The following CASZ1 variants were observed in gnomAD, a reference collection of about 807,000 sequenced individuals.
CASZ1 encodes the protein zinc finger protein castor homolog 1.
A neutral mutation model predicts 135.2 loss-of-function variants in CASZ1; 28 were observed. The observed-to-expected ratio is 0.21, with a 90% confidence interval of 0.15 to 0.28. The LOEUF (loss-of-function observed/expected upper bound fraction) is 0.28. Among genes scored for constraint, CASZ1 ranks in the 10% least tolerant of loss-of-function variants. The pLI is 1.00. For missense variants in CASZ1, 2,161 were observed against 2,453.3 expected (o/e 0.88, Z 2.52); for synonymous variants, 1,068 against 1,073.4 (o/e 0.99, Z 0.10).
At chr1:10,738,703 G>A (rs949499751) in intron 2 of CASZ1, among the ~76,000 whole-genome samples, 1 of 152,202 alleles carries the variant, frequency 6.6e-6, no homozygotes, top group Non-Finnish European at 1.5e-5. Context: ...AAGATCAAGC[G>A]TAAACCCCAC....
At chr1:10,780,542 A>G (rs1039773264) in intron 1 of CASZ1, among the ~76,000 whole-genome samples, 3 of 152,220 alleles carry the variant, frequency 2.0e-5, no homozygotes, top group Non-Finnish European at 2.9e-5. Flanking sequence ...TTTTATGATT[A>G]TAGTTATGTA....
chr1:10,728,760 G>T (rs1200795582), intron 2 of CASZ1, among the ~76,000 whole-genome samples: 1 of 152,066 alleles, frequency 6.6e-6, no homozygotes, highest in Non-Finnish European at 1.5e-5. Flanking sequence ...TCACATGAGA[G>T]GGGGGACAGC....
rs1476666621 is a variant in CASZ1, at chr1:10,762,080, C to T, written c.-233-1223G>A. Among the ~76,000 whole-genome samples the T allele has an allele frequency of 6.6e-6, 1 of 152,214 alleles. No individual in the cohort carries two copies. Among genetic ancestry groups the T allele is most frequent in the Non-Finnish European group, 1.5e-5 (1 of 68,050 alleles). ...CCCGGCCCTCAGAGTCCCCGGAGGC[C>T]TTGCAGGAGTGCACGAACCCCTCCC... is the stretch of plus-strand genomic sequence containing the variant. On this transcript the variant is annotated intron_variant, in intron 1 of 20. Coordinates refer to ENST00000377022, the MANE Select transcript of CASZ1 (RefSeq NM_001079843.3). This position sits in a 1 kb window ranked among gnomAD's most constrained non-coding sequence, Gnocchi z 4.1.
chr1:10,639,431 C>G lies in CASZ1; in HGVS notation c.4791G>C (p.Lys1597Asn). The stretch of plus-strand genomic sequence containing the variant: ...CTGCCGCGGGCTCGCCGCGCTCCTG[C>G]TTCTCGTGCTTGCGCTTGTGCGAGT... ...QMDSHKRKHE[K>N]QERGEPAAEG... is the part of the protein sequence containing the mutation. The change falls in exon 21 of 21, where the codon AAG becomes AAC. Residue 1597 changes from lysine to asparagine, a missense_variant. Lys to Asn is a moderately conservative substitution (Grantham distance 94, BLOSUM62 0). Around this residue, in one of 7 missense-constraint regions of CASZ1, gnomAD observed 240 missense variants for 321.4 expected, o/e 0.75. Transcript: ENST00000377022. The surrounding 1 kb of genome is among the most constrained non-coding windows in gnomAD (Gnocchi z 4.0). 6.3e-7 allele frequency: 1 copy of G among 1,576,754 alleles called. No homozygotes were observed. Among genetic ancestry groups the G allele is most frequent in the East Asian group, 2.3e-5 (1 of 42,972 alleles).
Position 10,747,902 on chromosome 1 carries a change from C to T in CASZ1, c.-77+12799G>A, listed in dbSNP as rs558768482. ...TGTGATCTCAGCTCACTGCAAGCTCCGCCTCCTGGGTTCACGCCATTCTCC... is the reference window on the plus strand; with the variant it reads ...TGTGATCTCAGCTCACTGCAAGCTCTGCCTCCTGGGTTCACGCCATTCTCC... On this transcript the variant is annotated intron_variant, in intron 2 of 20. Transcript: ENST00000377022. The surrounding 1 kb of genome is among the most constrained non-coding windows in gnomAD (Gnocchi z 4.3). 1.8e-4 allele frequency among the ~76,000 whole-genome samples: 27 copies of T among 151,908 alleles called. No individual in the cohort carries two copies. The highest frequency in any genetic ancestry group is 1.5e-3 in the South Asian group (7 of 4,804).
chr1:10,644,936 G>T lies in CASZ1; in HGVS notation c.3849C>A (p.Arg1283=). 1 of 1,613,666 alleles carries T rather than the reference G, an allele frequency of 6.2e-7. No homozygotes were observed. The highest frequency in any genetic ancestry group is 8.5e-7 in the Non-Finnish European group (1 of 1,179,898). ...CGGTACCTAGCCTGCCACACTCCTC[G>T]CGCTTGGTGAAGTATTTGAAGCCAT... ...AANGFKYFTK[R]EECGRLGCKY... is the part of the protein sequence containing the mutation. Residue 1283 remains arginine (R), a synonymous_variant, in exon 18 of 21, where the codon CGC becomes CGA. Transcript: ENST00000377022.
Position 10,707,922 on chromosome 1 carries a change from C to T in CASZ1, c.-76-2378G>A, listed in dbSNP as rs1313704729. 6.6e-6 allele frequency among the ~76,000 whole-genome samples: 1 copy of T among 152,198 alleles called. No homozygotes were observed. Among genetic ancestry groups the T allele is most frequent in the African/African-American group, 2.4e-5 (1 of 41,442 alleles). On this transcript the variant is annotated intron_variant, in intron 2 of 20. Transcript: ENST00000377022. This position sits in a 1 kb window ranked among gnomAD's most constrained non-coding sequence, Gnocchi z 5.0. The stretch of plus-strand genomic sequence containing the variant: ...GACCCAGAGGACAGCAGGGGCCCTA[C>T]ACTCAGCGGGGCTGAAGTGAAGTGA...
Position 10,767,850 on chromosome 1 carries a change from C to T in CASZ1, c.-233-6993G>A, listed in dbSNP as rs552483271. Among the ~76,000 whole-genome samples, 8 of 152,278 alleles carry T rather than the reference C, an allele frequency of 5.3e-5. No individual in the cohort carries two copies. The South Asian group carries it at 8.3e-4, about 16-fold the overall frequency. The stretch of plus-strand genomic sequence containing the variant: ...CCTCGCTGGCCCTGTCCACAGCCCT[C>T]GGCCCATGAGGAGGGCCACGACCCT... On this transcript the variant is annotated intron_variant, in intron 1 of 20. Transcript: ENST00000377022. The surrounding 1 kb of genome is among the most constrained non-coding windows in gnomAD (Gnocchi z 4.2).
At chr1:10,645,521 C>T (rs1009556944) in intron 17 of CASZ1, among the ~76,000 whole-genome samples, 1 of 152,148 alleles carries the variant, frequency 6.6e-6, no homozygotes. Context: ...CAGAGCGAGA[C>T]TGTCTCAAAA....
At chr1:10,728,738 TGTGACCGACC>T (rs1008458452) in intron 2 of CASZ1, among the ~76,000 whole-genome samples, 3 of 151,154 alleles carry the variant, frequency 2.0e-5, no homozygotes, top group Non-Finnish European at 4.4e-5. Context: ...GTTTTACAAC[TGTGACCGACC>T]GTCACATGAG....
intron 1 of CASZ1, among the ~76,000 whole-genome samples, chr1:10,783,518 A>C (rs1640800545): frequency 6.6e-6 from 1 of 152,064 alleles, no homozygotes; most frequent in African/African-American, 2.4e-5. Context: ...ATAAATCCAC[A>C]TTTGCTGGGA....
At chr1:10,689,495 G>C (rs992245416) in intron 4 of CASZ1, among the ~76,000 whole-genome samples, 3 of 152,236 alleles carry the variant, frequency 2.0e-5, no homozygotes, top group African/African-American at 4.8e-5. Context: ...TTGGAGAGGA[G>C]AGTGAATGGG....
In CASZ1 at chr1:10,676,937, G is replaced by A. The variant is rs967918127; in HGVS notation, c.17-11366C>T. ...CTGCCTGGCTCTGCCACTGCCTCTCGCTGAGGCCCCTGTGGGCACAGCCAG... is the reference window on the plus strand; with the variant it reads ...CTGCCTGGCTCTGCCACTGCCTCTCACTGAGGCCCCTGTGGGCACAGCCAG... On this transcript the variant is annotated intron_variant, in intron 4 of 20. Coordinates refer to ENST00000377022, the MANE Select transcript of CASZ1 (RefSeq NM_001079843.3). The surrounding 1 kb of genome is among the most constrained non-coding windows in gnomAD (Gnocchi z 4.5). 1.3e-5 allele frequency among the ~76,000 whole-genome samples: 2 copies of A among 152,192 alleles called. No homozygotes were observed. The highest frequency in any genetic ancestry group is 2.4e-5 in the African/African-American group (1 of 41,452).
At chr1:10,789,860 G>A (rs892356173) in intron 1 of CASZ1, among the ~76,000 whole-genome samples, 8 of 152,126 alleles carry the variant, frequency 5.3e-5, no homozygotes, top group Non-Finnish European at 2.9e-5. Flanking sequence ...GCAAAACCTC[G>A]TTAACGTGCA....
At chr1:10,674,088 C>T (rs1469355736) in intron 4 of CASZ1, among the ~76,000 whole-genome samples, 1 of 152,236 alleles carries the variant, frequency 6.6e-6, no homozygotes, top group East Asian at 1.9e-4. Flanking sequence ...TCCTGAGGTG[C>T]CTGTAGGGGC....
chr1:10,783,298 C>A (rs942637241), intron 1 of CASZ1, among the ~76,000 whole-genome samples: 5 of 151,342 alleles, frequency 3.3e-5, no homozygotes, highest in African/African-American at 1.2e-4. Context: ...TACATGTGCA[C>A]ATGGGCAAGC....
rs998166907 is a variant in CASZ1, at chr1:10,657,831, G to T, written c.1409+677C>A. ...GCGGGGGGTGTTATTTGTGTGATTTGGGGGAATCTGTTGAGGCAAAGGCTC... is the reference window on the plus strand; with the variant it reads ...GCGGGGGGTGTTATTTGTGTGATTTTGGGGAATCTGTTGAGGCAAAGGCTC... On this transcript the variant is annotated intron_variant, in intron 7 of 20. Transcript: ENST00000377022. This position sits in a 1 kb window ranked among gnomAD's most constrained non-coding sequence, Gnocchi z 5.7. Among the ~76,000 whole-genome samples the T allele has an allele frequency of 6.6e-6, 1 of 151,770 alleles. No individual in the cohort carries two copies. Among genetic ancestry groups the T allele is most frequent in the Non-Finnish European group, 1.5e-5 (1 of 67,922 alleles).
intron 9 of CASZ1, 22 bp downstream of exon 9, chr1:10,655,627 T>G: frequency 6.3e-7 from 1 of 1,599,938 alleles, no homozygotes; most frequent in Non-Finnish European, 8.5e-7. Context: ...AGCTGCCCAG[T>G]GGGCCCGGGT....
intron 15 of CASZ1, chr1:10,648,675 C>T (rs1273252484): frequency 9.0e-6 from 2 of 221,108 alleles, no homozygotes; most frequent in Non-Finnish European, 1.8e-5. Flanking sequence ...TCAAAGGTAA[C>T]CTAGAGATGT....
Sources: allele counts gnomAD v4.1 joint callset (sites outside exome capture counted in the v4.1 genomes callset), GRCh38; gene constraint gnomAD v4.1.1; regional missense constraint gnomAD v4.1.1; non-coding constraint Gnocchi (gnomAD v3.1); transcripts MANE v1.5; gene names NCBI Gene and HGNC (gene_info 2026-07-23, HGNC 2026-07-21).